Variants in FARS2 observed in about 807,000 individuals in gnomAD.
FARS2 encodes the protein phenylalanine--tRNA ligase, mitochondrial.
FARS2 carries 40 observed loss-of-function variants against 46.4 expected under a neutral mutation model. The ratio of observed to expected loss-of-function variants is 0.86; its 90% CI spans 0.67 to 1.12. The LOEUF is 1.12. Among genes scored for constraint, FARS2 ranks in the 50% most tolerant of loss-of-function variants. The pLI, the probability that FARS2 is intolerant of heterozygous loss-of-function variation, is 0.00. For missense variants in FARS2, 513 were observed against 567.9 expected, an observed-to-expected ratio of 0.90 and a Z score of 0.98; for synonymous variants, 234 against 214.9, an observed-to-expected ratio of 1.09 and a Z score of -0.78.
intron 2 of FARS2, among the ~76,000 whole-genome samples, chr6:5,370,668 T>C (rs1759001079): frequency 6.6e-6 from 1 of 152,174 alleles, no homozygotes; most frequent in Admixed American, 6.5e-5. Flanking sequence ...AAAGAGGCAA[T>C]GAAGGCTGCC....
chr6:5,345,587 C>G (rs186560426), intron 1 of FARS2, among the ~76,000 whole-genome samples: 2 of 152,178 alleles, frequency 1.3e-5, no homozygotes, highest in Non-Finnish European at 2.9e-5. Context: ...CAGAATAGAA[C>G]GGAGATGAGT....
intron 1 of FARS2, among the ~76,000 whole-genome samples, chr6:5,320,167 C>T (rs1267086427): frequency 6.6e-6 from 1 of 152,210 alleles, no homozygotes; most frequent in Non-Finnish European, 1.5e-5. Context: ...GGCAACTTTT[C>T]ACTTGAGCGT....
chr6:5,291,280 T>C (rs1005700487), intron 1 of FARS2: 1 of 152,222 alleles, frequency 6.6e-6, no homozygotes, highest in African/African-American at 2.4e-5. Flanking sequence ...TTAACCTCGA[T>C]CCTCTCATTT....
rs147649702 is a variant in FARS2, at chr6:5,418,165, T to C, written c.773-12876T>C. 2.8e-3 allele frequency among the ~76,000 whole-genome samples: 428 copies of C among 152,338 alleles called. 2 individuals carry two copies. Among genetic ancestry groups the C allele is most frequent in the African/African-American group, 9.7e-3 (402 of 41,576 alleles). ...TTTTAACACATTTTTTCCTACTAATTCTGACATCTGTCATTCCTTGGTGAA... is the reference window on the plus strand; with the variant it reads ...TTTTAACACATTTTTTCCTACTAATCCTGACATCTGTCATTCCTTGGTGAA... On this transcript the variant is annotated intron_variant, in intron 3 of 6. Transcript: ENST00000274680.
At chr6:5,303,310 A>G (rs1185873749) in intron 1 of FARS2, among the ~76,000 whole-genome samples, 1 of 152,196 alleles carries the variant, frequency 6.6e-6, no homozygotes, top group African/African-American at 2.4e-5. Flanking sequence ...AGAATGCAAG[A>G]GCAGCACCTG....
chr6:5,259,318 C>G (rs969183186), upstream of FARS2, among the ~76,000 whole-genome samples: 5 of 151,982 alleles, frequency 3.3e-5, no homozygotes, highest in Non-Finnish European at 7.3e-5. Context: ...GTACTTGGTG[C>G]TAGGTGTTTG....
chr6:5,479,785 G>A (rs966943115), intron 4 of FARS2, among the ~76,000 whole-genome samples: 12 of 152,160 alleles, frequency 7.9e-5, no homozygotes, highest in Admixed American at 7.9e-4. Flanking sequence ...CAACTTAATT[G>A]TATGGTTAGG....
intron 4 of FARS2, chr6:5,467,248 C>A: frequency 4.1e-6 from 1 of 244,136 alleles, no homozygotes; most frequent in Non-Finnish European, 6.6e-6. Flanking sequence ...GTTACCCATT[C>A]TTAACCAATC....
chr6:5,353,726 G>GTTTTGT (rs1757721834), intron 1 of FARS2, among the ~76,000 whole-genome samples: 6 of 40,360 alleles, frequency 1.5e-4, no homozygotes, highest in African/African-American at 3.9e-4. Context: ...AATATTTGGT[G>GTTTTGT]TTTTTTTTTT....
chr6:5,557,626 C>G (rs1368624990), intron 5 of FARS2, among the ~76,000 whole-genome samples: 1 of 152,110 alleles, frequency 6.6e-6, no homozygotes, highest in African/African-American at 2.4e-5. Context: ...AAAGATATCT[C>G]TTGTTACTGT....
intron 5 of FARS2, among the ~76,000 whole-genome samples, chr6:5,598,503 T>C (rs1983564): frequency 0.25 from 37,849 of 152,180 alleles, 4,830 homozygotes; most frequent in African/African-American, 0.28. Context: ...TGTTAGACTA[T>C]TTTCTGGAAG....
intron 4 of FARS2, among the ~76,000 whole-genome samples, chr6:5,522,071 G>A (rs1332030950): frequency 1.3e-5 from 2 of 152,192 alleles, no homozygotes; most frequent in Non-Finnish European, 2.9e-5. Context: ...AGTCTAGGCC[G>A]CTTCTGTGCT....
At chr6:5,680,739 C>T (rs1182446099) in intron 6 of FARS2, among the ~76,000 whole-genome samples, 3 of 143,342 alleles carry the variant, frequency 2.1e-5, no homozygotes, top group Non-Finnish European at 3.1e-5. Flanking sequence ...CAGACGTTGT[C>T]TTTTTTTTTT....
At chr6:5,283,108 C>T (rs1054186682) in intron 1 of FARS2, among the ~76,000 whole-genome samples, 22 of 151,756 alleles carry the variant, frequency 1.4e-4, no homozygotes, top group African/African-American at 5.3e-4. Context: ...TATGGTGGCC[C>T]ACACCTGTAA....
intron 1 of FARS2, among the ~76,000 whole-genome samples, chr6:5,318,132 G>T (rs569399750): frequency 1.4e-4 from 22 of 152,020 alleles, no homozygotes; most frequent in Non-Finnish European, 5.9e-5. Flanking sequence ...AGGCCAAGGC[G>T]GGAGGATCAC....
intron 6 of FARS2, among the ~76,000 whole-genome samples, chr6:5,749,460 G>A (rs1221335810): frequency 6.6e-6 from 1 of 152,216 alleles, no homozygotes; most frequent in African/African-American, 2.4e-5. Flanking sequence ...TGGCAGTAGA[G>A]GCCAGCCAGG....
At position 5,655,127 on chromosome 6, in the gene FARS2, G is replaced by A. The variant is rs192844578; in HGVS notation, c.1217+41807G>A. On this transcript the variant is annotated intron_variant, in intron 6 of 6. Coordinates refer to ENST00000274680, the MANE Select transcript of FARS2 (RefSeq NM_006567.5). ...AGGTTACATGTGAATTTTTGACTGG[G>A]TGAGGGGTTGGTGGCCCCAACTCCC... Among the ~76,000 whole-genome samples, 30 of 152,288 alleles carry A rather than the reference G, an allele frequency of 2.0e-4. No homozygotes were observed. In the East Asian group the frequency reaches 5.6e-3, roughly 29 times the overall value.
intron 2 of FARS2, among the ~76,000 whole-genome samples, chr6:5,381,653 G>A (rs1759799819): frequency 6.6e-6 from 1 of 152,114 alleles, no homozygotes; most frequent in South Asian, 2.1e-4. Flanking sequence ...ACTTCTTTTG[G>A]GTCACATTGC....
intron 4 of FARS2, among the ~76,000 whole-genome samples, chr6:5,521,837 TTA>T (rs1161716350): frequency 1.3e-5 from 2 of 152,222 alleles, no homozygotes; most frequent in Non-Finnish European, 2.9e-5. Context: ...TTGAAGAACA[TTA>T]TCTTCTTTAT....
Sources: allele counts gnomAD v4.1 joint callset (sites outside exome capture counted in the v4.1 genomes callset), GRCh38; gene constraint gnomAD v4.1.1; transcripts MANE v1.5; gene names NCBI Gene and HGNC (gene_info 2026-07-23, HGNC 2026-07-21).